Variants in CYBRD1 observed in about 807,000 individuals in gnomAD.
CYBRD1 encodes cytochrome b reductase 1.
Under a neutral mutation model 21.9 loss-of-function variants are expected in CYBRD1, and 14 were observed. The ratio of observed to expected loss-of-function variants is 0.64; its 90% CI spans 0.42 to 1.00. CYBRD1 has a LOEUF of 1.00. Among genes scored for constraint, CYBRD1 ranks in the 50% least tolerant of loss-of-function variants. The pLI is 0.00. For missense variants in CYBRD1, 328 were observed against 352.5 expected, an observed-to-expected ratio of 0.93 and a Z score of 0.56; for synonymous variants, 146 against 136.5, an observed-to-expected ratio of 1.07 and a Z score of -0.48.
chr2:171,532,899 G>GTC (rs1322579690), intron 1 of CYBRD1, among the ~76,000 whole-genome samples: 1 of 151,702 alleles, frequency 6.6e-6, no homozygotes, highest in Non-Finnish European at 1.5e-5. Flanking sequence ...GTGTGTGTGT[G>GTC]TGTGTGTGTG....
chr2:171,552,403 G>A (rs543156763), intron 2 of CYBRD1, among the ~76,000 whole-genome samples: 9 of 152,206 alleles, frequency 5.9e-5, no homozygotes, highest in African/African-American at 1.9e-4. Flanking sequence ...GAATTAGGGC[G>A]TTGGACCCCT....
intron 1 of CYBRD1, among the ~76,000 whole-genome samples, chr2:171,538,948 C>T (rs1697587934): frequency 1.3e-5 from 2 of 152,054 alleles, no homozygotes; most frequent in African/African-American, 4.8e-5. Flanking sequence ...CAGGTGCCTA[C>T]CACCACGCCC....
chr2:171,556,629 C>A lies in CYBRD1; in HGVS notation c.*1802C>A, dbSNP rs1383459918. 1 of 152,166 alleles carries A rather than the reference C, an allele frequency of 6.6e-6. No individual in the cohort carries two copies. The highest frequency in any genetic ancestry group is 1.5e-5 in the Non-Finnish European group (1 of 68,036). 9.4% of individuals were successfully genotyped at this position (152,166 alleles called of 1,614,324 possible). ...GCCACACTCCATCATATCCCTTAAA[C>A]TTCATGAAAAACCATTCAAGATCCC... On this transcript the variant is annotated 3_prime_UTR_variant, in exon 4 of 4. Transcript: ENST00000321348.
At chr2:171,554,425 A>C (rs1442510308) in intron 3 of CYBRD1, 99 bp from the exon 4 acceptor site, 2 of 1,196,208 alleles carry the variant, frequency 1.7e-6, no homozygotes, top group Non-Finnish European at 2.4e-6. Context: ...GTTTACATTG[A>C]AACTGTACTA....
At chr2:171,528,355 GA>G (rs1324948245) in intron 1 of CYBRD1, among the ~76,000 whole-genome samples, 1 of 151,790 alleles carries the variant, frequency 6.6e-6, no homozygotes, top group Non-Finnish European at 1.5e-5. Flanking sequence ...AAAGTGCTGG[GA>G]TTAGAAGTGT....
intron 2 of CYBRD1, 148 bp from the exon 3 acceptor site, chr2:171,553,198 A>T: frequency 1.3e-6 from 1 of 794,706 alleles, no homozygotes; most frequent in Non-Finnish European, 2.0e-6. Flanking sequence ...TACATTAGGT[A>T]GTGGAACTGG....
intron 1 of CYBRD1, among the ~76,000 whole-genome samples, chr2:171,534,177 G>T (rs1697513887): frequency 6.6e-6 from 1 of 152,158 alleles, no homozygotes; most frequent in Non-Finnish European, 1.5e-5. Context: ...GATTTAAAGT[G>T]TATTTCTCAT....
rs1697330793 is a variant in CYBRD1, at chr2:171,522,967, C to T, written c.193+229C>T. 3.4e-6 allele frequency: 2 copies of T among 584,844 alleles called. No homozygotes were observed. Among genetic ancestry groups the T allele is most frequent in the Non-Finnish European group, 5.6e-6 (2 of 357,178 alleles). The allele number at this position is 584,844 out of a possible 1,614,324, so 36.2% of individuals were successfully genotyped here. A position where few individuals can be genotyped will look rare whatever the true frequency, so the allele number is the denominator to read the frequency against. The stretch of plus-strand genomic sequence containing the variant: ...AGGAGGATCGCCGCGAGCGCGGGGC[C>T]GGGGGTGCGCGGTGGAGACGCGCTG... On this transcript the variant is annotated intron_variant, in intron 1 of 3. Transcript: ENST00000321348. This position sits in a 1 kb window ranked among gnomAD's most constrained non-coding sequence, Gnocchi z 4.3.
At chr2:171,527,188 C>T (rs915406039) in intron 1 of CYBRD1, among the ~76,000 whole-genome samples, 2 of 152,094 alleles carry the variant, frequency 1.3e-5, no homozygotes, top group African/African-American at 4.8e-5. Flanking sequence ...AGGGTTTTTA[C>T]AAAGCGTAAA....
At chr2:171,545,681 G>A (rs946285534) in intron 2 of CYBRD1, among the ~76,000 whole-genome samples, 5 of 151,080 alleles carry the variant, frequency 3.3e-5, no homozygotes, top group African/African-American at 7.3e-5. Flanking sequence ...GAACCATCAC[G>A]TCCGGCCAAT....
At chr2:171,548,725 CT>C (rs1291932542) in intron 2 of CYBRD1, among the ~76,000 whole-genome samples, 1 of 142,220 alleles carries the variant, frequency 7.0e-6, no homozygotes, top group East Asian at 2.1e-4. Context: ...TCATTAATGT[CT>C]TTTGCAATAA....
At chr2:171,546,159 A>G (rs1332120342) in intron 2 of CYBRD1, among the ~76,000 whole-genome samples, 1 of 152,184 alleles carries the variant, frequency 6.6e-6, no homozygotes, top group Non-Finnish European at 1.5e-5. Flanking sequence ...TCCAGAGGAC[A>G]GGTAGTGTTT....
intron 1 of CYBRD1, among the ~76,000 whole-genome samples, chr2:171,539,428 G>T (rs551963622): frequency 6.6e-6 from 1 of 152,164 alleles, no homozygotes; most frequent in Non-Finnish European, 1.5e-5. Flanking sequence ...AGGCTGCAGT[G>T]AGCTGTGATC....
chr2:171,545,138 CAAAAAA>C (rs761208882), intron 2 of CYBRD1, among the ~76,000 whole-genome samples: 1 of 68,822 alleles, frequency 1.5e-5, no homozygotes, highest in Non-Finnish European at 2.8e-5. Context: ...GACCCTGTCT[CAAAAAA>C]AAAAAAAAAA....
In CYBRD1 at chr2:171,522,497, C is replaced by A; in HGVS notation, c.-49C>A. The A allele has an allele frequency of 1.3e-6, 2 of 1,556,096 alleles. No homozygotes were observed. Among genetic ancestry groups the A allele is most frequent in the South Asian group, 1.2e-5 (1 of 84,682 alleles). Reference sequence around the variant, plus strand: ...CGGCCACTACCCAGAGGGCTGCCGCCGCCTCTCCAAGTTCTTGTGGCCCCC... The same window carrying A: ...CGGCCACTACCCAGAGGGCTGCCGCAGCCTCTCCAAGTTCTTGTGGCCCCC... On this transcript the variant is annotated 5_prime_UTR_variant, in exon 1 of 4. Transcript: ENST00000321348. This position sits in a 1 kb window ranked among gnomAD's most constrained non-coding sequence, Gnocchi z 4.3.
At chr2:171,544,184 T>C (rs1416348946) in intron 2 of CYBRD1, among the ~76,000 whole-genome samples, 1 of 152,232 alleles carries the variant, frequency 6.6e-6, no homozygotes, top group Non-Finnish European at 1.5e-5. Flanking sequence ...CACACCTGTT[T>C]GTGTCTTTTG....
intron 1 of CYBRD1, among the ~76,000 whole-genome samples, chr2:171,533,773 T>G (rs1697505696): frequency 7.1e-6 from 1 of 140,340 alleles, no homozygotes. Flanking sequence ...TTTCTTTCTT[T>G]TTTTTTTTTT....
Position 171,541,586 on chromosome 2 carries a change from C to G in CYBRD1, c.195C>G (p.Ala65=), listed in dbSNP as rs1268733606. ...CTGTGTCCTTTCGTCTTTCCCTAGC[C>G]ATCATCGTCTACAGACTGCCGTGGA... ...VTGFVFIQGI[A]IIVYRLPWTW... is the part of the protein sequence containing the mutation. The change falls in exon 2 of 4, where the codon GCC becomes GCG. Residue 65 remains alanine, a splice_region_variant and synonymous_variant. Coordinates refer to ENST00000321348, the MANE Select transcript of CYBRD1 (RefSeq NM_024843.4). The G allele has an allele frequency of 6.2e-7, 1 of 1,613,662 alleles. No individual in the cohort carries two copies. The highest frequency in any genetic ancestry group is 8.5e-7 in the Non-Finnish European group (1 of 1,179,744).
chr2:171,527,763 GAAAAC>G lies in CYBRD1; in HGVS notation c.193+5034_193+5038del, dbSNP rs1559313162. Among the ~76,000 whole-genome samples, 8 of 151,830 alleles carry G rather than the reference GAAAAC, an allele frequency of 5.3e-5. No homozygotes were observed. The South Asian group carries it at 1.4e-3, about 28-fold the overall frequency. On this transcript the variant is annotated intron_variant, in intron 1 of 3. Coordinates refer to ENST00000321348, the MANE Select transcript of CYBRD1 (RefSeq NM_024843.4). ...ACATGTTATAATTTCTATCATCTTC[GAAAAC>G]AAAACAAAGCAAAACAAAACAAAAT...
Sources: allele counts gnomAD v4.1 joint callset (sites outside exome capture counted in the v4.1 genomes callset), GRCh38; gene constraint gnomAD v4.1.1; non-coding constraint Gnocchi (gnomAD v3.1); transcripts MANE v1.5; gene names NCBI Gene and HGNC (gene_info 2026-07-23, HGNC 2026-07-21).